EXOG: variants seen among roughly 807,000 people sequenced by gnomAD.
EXOG encodes exo/endonuclease G.
In EXOG, 27 loss-of-function variants were observed where a neutral mutation model predicts 25.8. That is an observed-to-expected ratio of 1.05 (90% CI 0.77 to 1.45). The LOEUF (loss-of-function observed/expected upper bound fraction) is 1.45. EXOG is among the 40% of genes most tolerant of loss of function. The probability of loss-of-function intolerance (pLI) is 0.00; values close to 1 mark genes in which losing one functional copy is unlikely to be tolerated. For missense variants in EXOG, 458 were observed against 450.5 expected (o/e 1.02, Z -0.15); for synonymous variants, 133 against 167.0 (o/e 0.80, Z 1.57).
At chr3:38,519,541 T>C (rs551411701) in intron 5 of EXOG, among the ~76,000 whole-genome samples, 54 of 152,300 alleles carry the variant, frequency 3.5e-4, no homozygotes, top group Non-Finnish European at 5.7e-4. Flanking sequence ...TGAAGTGATA[T>C]GGGAGTAATA....
chr3:38,496,498 C>G lies in EXOG; in HGVS notation c.131C>G (p.Ala44Gly). 6.2e-7 allele frequency: 1 copy of G among 1,613,424 alleles called. No individual in the cohort carries two copies. The highest frequency in any genetic ancestry group is 8.5e-7 in the Non-Finnish European group (1 of 1,179,894). Residue 44 changes from alanine (A) to glycine (G), a missense_variant, in exon 1 of 6, where the codon GCT becomes GGT. Coordinates refer to ENST00000287675, the MANE Select transcript of EXOG (RefSeq NM_005107.4). The part of the protein sequence containing the change: ...AALQFFRSQG[A>G]EGALTGKQPD... Reference sequence around the variant, plus strand: ...CTGCAGTTCTTCCGGAGTCAGGGCGCTGAGGGAGCGTTGACAGGGAAGCAG... The same window carrying G: ...CTGCAGTTCTTCCGGAGTCAGGGCGGTGAGGGAGCGTTGACAGGGAAGCAG...
At chr3:38,496,915 C>G (rs1440668972) in intron 1 of EXOG, 1 of 1,145,386 alleles carries the variant, frequency 8.7e-7, no homozygotes, top group African/African-American at 1.6e-5. Context: ...GTACCTGGTA[C>G]ATAATTGGCA....
At position 38,524,999 on chromosome 3, in the gene EXOG, T is replaced by C; in HGVS notation, c.*637T>C. The C allele has an allele frequency of 2.0e-6, 2 of 985,406 alleles. No homozygotes were observed. The highest frequency in any genetic ancestry group is 2.4e-6 in the Non-Finnish European group (2 of 829,898). 61.0% of individuals were successfully genotyped at this position (985,406 alleles called of 1,614,324 possible). On this transcript the variant is annotated 3_prime_UTR_variant, in exon 6 of 6. Transcript: ENST00000287675. ...TTTTAGAAATCCTCTGTGTAGTTCC[T>C]GTCCACATGCACTATATATTTGTTT...
rs2060812982 is a variant in EXOG at position 38,524,147 on chromosome 3, AC to A, written c.894del (p.Cys299ValfsTer13). On this transcript the variant is annotated frameshift_variant, in exon 6 of 6. Transcript: ENST00000287675. LOFTEE classifies it low-confidence loss of function (END_TRUNC). The stretch of plus-strand genomic sequence containing the variant: ...TATCCGGAATATCTGCTCTGTGGAC[AC>A]CTGTAAGCTCCTGGATTTCCAGGAG... ...SDIRNICSVD[T>X]CKLLDFQEFT... 1 of 1,614,010 alleles carries A rather than the reference AC, an allele frequency of 6.2e-7. No homozygotes were observed. Among genetic ancestry groups the A allele is most frequent in the Non-Finnish European group, 8.5e-7 (1 of 1,179,994 alleles).
At chr3:38,516,200 A>G (rs906424388) in intron 5 of EXOG, among the ~76,000 whole-genome samples, 1 of 147,278 alleles carries the variant, frequency 6.8e-6, no homozygotes, top group African/African-American at 2.5e-5. Flanking sequence ...ATGGATATCC[A>G]TATATATATA....
chr3:38,518,744 A>G (rs2060621230), intron 5 of EXOG, among the ~76,000 whole-genome samples: 1 of 152,248 alleles, frequency 6.6e-6, no homozygotes, highest in African/African-American at 2.4e-5. Context: ...TATACCAGGC[A>G]GTATGTAAGT....
At chr3:38,504,529 G>A (rs1450811501) in intron 4 of EXOG, among the ~76,000 whole-genome samples, 7 of 151,936 alleles carry the variant, frequency 4.6e-5, no homozygotes, top group Middle Eastern at 3.2e-3. Flanking sequence ...TCCGCCTCCC[G>A]GGTTCAAGCG....
intron 4 of EXOG, among the ~76,000 whole-genome samples, chr3:38,505,081 T>C (rs2060162733): frequency 6.6e-6 from 1 of 152,242 alleles, no homozygotes; most frequent in South Asian, 2.1e-4. Flanking sequence ...ATAACCACAG[T>C]ATTATTAATG....
intron 5 of EXOG, among the ~76,000 whole-genome samples, chr3:38,521,262 A>G (rs1029467033): frequency 9.9e-5 from 15 of 152,236 alleles, no homozygotes; most frequent in Non-Finnish European, 1.5e-4. Flanking sequence ...GGGTAGAAGG[A>G]TCACACCTGT....
chr3:38,525,746 C>A lies in EXOG; in HGVS notation c.*1384C>A. The stretch of plus-strand genomic sequence containing the variant: ...TCGCTTGAGCCCAGGAGTTTGAGAC[C>A]AGCCTGGGCAACATAATGAAACCCT... On this transcript the variant is annotated 3_prime_UTR_variant, in exon 6 of 6. Transcript: ENST00000287675. 1.8e-6 allele frequency: 1 copy of A among 543,316 alleles called. No individual in the cohort carries two copies. The highest frequency in any genetic ancestry group is 2.3e-6 in the Non-Finnish European group (1 of 426,224). The allele number at this position is 543,316 out of a possible 1,614,324, so 33.7% of individuals were successfully genotyped here. A position where few individuals can be genotyped will look rare whatever the true frequency, so the allele number is the denominator to read the frequency against.
At position 38,525,709 on chromosome 3, in the gene EXOG, G is replaced by A. The variant is rs547660777; in HGVS notation, c.*1347G>A. ...TATAATCTCAGCACTTTGGGAAATC[G>A]AGGTGGGTGGATCGCTTGAGCCCAG... On this transcript the variant is annotated 3_prime_UTR_variant, in exon 6 of 6. Transcript: ENST00000287675. 1.2e-6 allele frequency: 1 copy of A among 824,360 alleles called. No homozygotes were observed. Among genetic ancestry groups the A allele is most frequent in the South Asian group, 5.5e-5 (1 of 18,158 alleles). 51.1% of individuals were successfully genotyped at this position (824,360 alleles called of 1,614,324 possible).
At position 38,524,127 on chromosome 3, in the gene EXOG, G is replaced by GGAATA; in HGVS notation, c.873_877dup (p.Ile293ArgfsTer21). ...CATTTGGATAGAACTAGTGATATCCGGAATATCTGCTCTGTGGACACCTGT... is the reference window on the plus strand; with the variant it reads ...CATTTGGATAGAACTAGTGATATCCGGAATAGAATATCTGCTCTGTGGACACCTGT... On this transcript the variant is annotated frameshift_variant, in exon 6 of 6. Transcript: ENST00000287675. LOFTEE classifies it low-confidence loss of function (END_TRUNC). The GGAATA allele has an allele frequency of 6.2e-7, 1 of 1,613,802 alleles. No homozygotes were observed. The highest frequency in any genetic ancestry group is 1.3e-5 in the African/African-American group (1 of 75,022).
rs1402987888 is a variant in EXOG at position 38,524,072 on chromosome 3, G to A, written c.817G>A (p.Glu273Lys). ...ATTCCAAGTGAGCCTCCAGGACCTAGAGAAGTTGTCAGGACTGGTGTTTTT... is the reference window on the plus strand; with the variant it reads ...ATTCCAAGTGAGCCTCCAGGACCTAAAGAAGTTGTCAGGACTGGTGTTTTT... ...TEFQVSLQDL[E>K]KLSGLVFFPH... The change falls in exon 6 of 6, where the codon GAG becomes AAG. Residue 273 changes from glutamate to lysine, a missense_variant. Transcript: ENST00000287675. 6.2e-7 allele frequency: 1 copy of A among 1,614,086 alleles called. No individual in the cohort carries two copies. Among genetic ancestry groups the A allele is most frequent in the South Asian group, 1.1e-5 (1 of 91,092 alleles).
chr3:38,515,656 A>G (rs2060518754), intron 5 of EXOG: 1 of 159,940 alleles, frequency 6.3e-6, no homozygotes, highest in Admixed American at 6.5e-5. Flanking sequence ...ACTCAGCACC[A>G]TGGTCAGGCC....
chr3:38,509,838 C>G (rs1181250556), intron 5 of EXOG, among the ~76,000 whole-genome samples: 1 of 152,156 alleles, frequency 6.6e-6, no homozygotes, highest in Non-Finnish European at 1.5e-5. Context: ...AGAAAAGCTT[C>G]TGCATACCAT....
chr3:38,511,896 A>G (rs1022548495), intron 5 of EXOG, among the ~76,000 whole-genome samples: 1 of 152,222 alleles, frequency 6.6e-6, no homozygotes, highest in African/African-American at 2.4e-5. Context: ...TGTTCAGTAA[A>G]TATTAGCTAC....
chr3:38,507,034 CTTTTTA>C lies in EXOG; in HGVS notation c.645+80_645+85del, dbSNP rs1338397458. 14 of 703,006 alleles carry C rather than the reference CTTTTTA, an allele frequency of 2.0e-5. 1 individual carries two copies. Among genetic ancestry groups the C allele is most frequent in the Admixed American group, 1.4e-4 (5 of 36,018 alleles). The allele number at this position is 703,006 out of a possible 1,614,324, so 43.5% of individuals were successfully genotyped here. On this transcript the variant is annotated intron_variant, in intron 5 of 5. Coordinates refer to ENST00000287675, the MANE Select transcript of EXOG (RefSeq NM_005107.4). Reference sequence around the variant, plus strand: ...GATTATAATCTCACTTTCCATTCTGCTTTTTATTTTTATTTTTATCATTCAAAAAAA... The same window carrying C: ...GATTATAATCTCACTTTCCATTCTGCTTTTTATTTTTATCATTCAAAAAAA...
chr3:38,507,797 A>G lies in EXOG; in HGVS notation c.645+829A>G, dbSNP rs192897474. ...CACAGGAAAGAGTAACCATGAATAA[A>G]TAACTTGTTTGAGTGAGGAAGAGGG... On this transcript the variant is annotated intron_variant, in intron 5 of 5. Transcript: ENST00000287675. 3.9e-5 allele frequency among the ~76,000 whole-genome samples: 6 copies of G among 152,302 alleles called. No homozygotes were observed. The East Asian group carries it at 1.2e-3, about 29-fold the overall frequency.
intron 5 of EXOG, among the ~76,000 whole-genome samples, chr3:38,516,198 C>A (rs886982389): frequency 6.6e-6 from 1 of 151,226 alleles, no homozygotes; most frequent in South Asian, 2.1e-4. Context: ...ATATGGATAT[C>A]CATATATATA....
Sources: gnomAD v4.1 joint callset for allele counts (sites outside exome capture counted in the v4.1 genomes callset) on GRCh38, gnomAD v4.1.1 for gene constraint, MANE v1.5 for transcripts, NCBI Gene and HGNC (gene_info 2026-07-23, HGNC 2026-07-21) for gene names.